The following LRRK2 variants were observed in gnomAD, a reference collection of about 807,000 sequenced individuals.
The protein encoded by LRRK2 is leucine rich repeat kinase 2, also known as leucine-rich repeat serine/threonine-protein kinase 2.
LRRK2 carries 203 observed loss-of-function variants against 302.6 expected under a neutral mutation model. The ratio of observed to expected loss-of-function variants is 0.67; its 90% CI spans 0.60 to 0.75. The LOEUF is 0.75. Ranked by LOEUF, LRRK2 falls within the 30% of genes least tolerant of loss-of-function variation. The pLI, the probability that LRRK2 is intolerant of heterozygous loss-of-function variation, is 0.00. For synonymous variants in LRRK2, 1,066 were observed against 1,031.9 expected, an observed-to-expected ratio of 1.03 and a Z score of -0.63; for missense variants, 2,830 against 2,951.0, an observed-to-expected ratio of 0.96 and a Z score of 0.95.
intron 2 of LRRK2, among the ~76,000 whole-genome samples, chr12:40,228,563 T>C (rs1941024252): frequency 6.6e-6 from 1 of 151,948 alleles, no homozygotes; most frequent in East Asian, 1.9e-4. Flanking sequence ...CTTCACTTTG[T>C]TAATTATTTT....
intron 2 of LRRK2, among the ~76,000 whole-genome samples, chr12:40,229,945 T>C (rs1422414922): frequency 1.4e-5 from 2 of 141,572 alleles, no homozygotes; most frequent in East Asian, 2.3e-4. Flanking sequence ...GAGTTTGGCA[T>C]CCTATGTGAC....
At chr12:40,295,007 T>C in intron 22 of LRRK2, 93 bp downstream of exon 22, 1 of 787,584 alleles carries the variant, frequency 1.3e-6, no homozygotes, top group Non-Finnish European at 2.2e-6. Flanking sequence ...ATATTCTTGG[T>C]GCCAGTTTCA....
At chr12:40,268,752 A>G (rs781537672) in intron 14 of LRRK2, among the ~76,000 whole-genome samples, 4 of 152,164 alleles carry the variant, frequency 2.6e-5, no homozygotes, top group Non-Finnish European at 5.9e-5. Context: ...TGTATTATAC[A>G]ATTTTAGTAA....
chr12:40,279,768 T>G (rs1258982363), intron 18 of LRRK2, among the ~76,000 whole-genome samples: 1 of 152,238 alleles, frequency 6.6e-6, no homozygotes, highest in East Asian at 1.9e-4. Context: ...TAGTTTTATC[T>G]TTTCTTTTTA....
At chr12:40,301,317 G>A (rs1197433848) in intron 25 of LRRK2, among the ~76,000 whole-genome samples, 4 of 152,048 alleles carry the variant, frequency 2.6e-5, no homozygotes, top group South Asian at 2.1e-4. Flanking sequence ...CCAGCTACTC[G>A]GGAGGCTGAG....
chr12:40,361,463 A>G (rs987961432), intron 47 of LRRK2, among the ~76,000 whole-genome samples: 4 of 152,128 alleles, frequency 2.6e-5, no homozygotes, highest in African/African-American at 9.6e-5. Flanking sequence ...GAAAGTGGGC[A>G]TAGTGCTTGA....
At chr12:40,248,876 A>T (rs1942129378) in intron 7 of LRRK2, among the ~76,000 whole-genome samples, 1 of 152,184 alleles carries the variant, frequency 6.6e-6, no homozygotes, top group Non-Finnish European at 1.5e-5. Context: ...TCTTGAAAAC[A>T]CTAGTGATCA....
chr12:40,305,857 T>A lies in LRRK2; in HGVS notation c.3850T>A (p.Phe1284Ile), dbSNP rs1224380462. 2.5e-6 allele frequency: 4 copies of A among 1,613,528 alleles called. No homozygotes were observed. The highest frequency in any genetic ancestry group is 3.4e-6 in the Non-Finnish European group (4 of 1,179,666). ...CAGTTACAACTTGGAACTAAGATCC[T>A]TTCCCAATGAAATGGGGAAATTAAG... ...DVSYNLELRSFPNEMGKLSKI... is the reference protein window; with the variant it reads ...DVSYNLELRSIPNEMGKLSKI... Residue 1284 changes from phenylalanine (F) to isoleucine (I), a missense_variant, in exon 28 of 51, where the codon TTT becomes ATT. By Grantham distance (21) the Phe-to-Ile change is conservative (BLOSUM62 0). This residue lies in a region of LRRK2 where 2,121 missense variants were observed against 2,148.0 expected (regional missense o/e 0.99). Transcript: ENST00000298910.
chr12:40,302,381 TG>T (rs2136772032), intron 25 of LRRK2, among the ~76,000 whole-genome samples: 1 of 152,234 alleles, frequency 6.6e-6, no homozygotes, highest in Non-Finnish European at 1.5e-5. Context: ...AAAGAATTTT[TG>T]TCCTTATAAT....
chr12:40,342,675 A>G (rs1946081998), intron 41 of LRRK2, among the ~76,000 whole-genome samples: 1 of 152,134 alleles, frequency 6.6e-6, no homozygotes, highest in Non-Finnish European at 1.5e-5. Flanking sequence ...TCTGTTTGGG[A>G]AGGAAACAGT....
intron 38 of LRRK2, 125 bp downstream of exon 38, chr12:40,323,431 TG>T (rs1477002408): frequency 1.1e-6 from 1 of 879,022 alleles, no homozygotes; most frequent in Non-Finnish European, 1.7e-6. Flanking sequence ...TTATAATTTT[TG>T]TATTTGGAAT....
At chr12:40,255,555 T>C (rs181869960) in intron 11 of LRRK2, among the ~76,000 whole-genome samples, 74 of 152,350 alleles carry the variant, frequency 4.9e-4, no homozygotes, top group African/African-American at 1.7e-3. Flanking sequence ...ATAGTGATTC[T>C]TAAAGTGTGG....
chr12:40,263,747 T>C, intron 13 of LRRK2, 42 bp from the exon 14 acceptor site: 2 of 1,399,092 alleles, frequency 1.4e-6, no homozygotes, highest in East Asian at 2.3e-5. Context: ...CTCAAATGTT[T>C]ATAAGAAAAT....
chr12:40,263,822 TTCA>T lies in LRRK2; in HGVS notation c.1582_1584del (p.His528del). 1 of 1,613,240 alleles carries T rather than the reference TTCA, an allele frequency of 6.2e-7. No individual in the cohort carries two copies. Among genetic ancestry groups the T allele is most frequent in the Non-Finnish European group, 8.5e-7 (1 of 1,179,458 alleles). The stretch of plus-strand genomic sequence containing the variant: ...GAAGAATCCAGGGAGGATACAGAAT[TTCA>T]TCATAAGCTAAATATGGTTAAAAAA... On this transcript the variant is annotated inframe_deletion, in exon 14 of 51. Transcript: ENST00000298910.
intron 10 of LRRK2, 128 bp downstream of exon 10, chr12:40,251,672 G>A (rs961202625): frequency 1.2e-6 from 1 of 800,436 alleles, no homozygotes; most frequent in Non-Finnish European, 2.0e-6. Context: ...TTTAGATGTT[G>A]CTGCAAAATA....
intron 6 of LRRK2, among the ~76,000 whole-genome samples, chr12:40,242,062 T>C (rs1941746963): frequency 6.6e-6 from 1 of 152,148 alleles, no homozygotes; most frequent in African/African-American, 2.4e-5. Flanking sequence ...ACATTGGACA[T>C]AACTCCAGTA....
intron 20 of LRRK2, among the ~76,000 whole-genome samples, chr12:40,292,927 C>G (rs1223464519): frequency 6.6e-6 from 1 of 151,760 alleles, no homozygotes; most frequent in Admixed American, 6.6e-5. Flanking sequence ...TATTTTAATA[C>G]CATTCCATAA....
chr12:40,306,118 A>G, intron 28 of LRRK2, 152 bp downstream of exon 28: 1 of 629,238 alleles, frequency 1.6e-6, no homozygotes, highest in Non-Finnish European at 2.7e-6. Flanking sequence ...CTTTCATTTA[A>G]TGAATGTGTT....
chr12:40,284,950 A>G (rs957246314), intron 19 of LRRK2, among the ~76,000 whole-genome samples: 8 of 152,244 alleles, frequency 5.3e-5, no homozygotes, highest in Admixed American at 2.0e-4. Flanking sequence ...TTTCACCAAG[A>G]AAACTGAGTG....
Sources: allele counts gnomAD v4.1 joint callset (sites outside exome capture counted in the v4.1 genomes callset), GRCh38; gene constraint gnomAD v4.1.1; regional missense constraint gnomAD v4.1.1; transcripts MANE v1.5; gene names NCBI Gene and HGNC (gene_info 2026-07-23, HGNC 2026-07-21).